MSRA: variants seen among roughly 807,000 people sequenced by gnomAD.
MSRA encodes the protein methionine sulfoxide reductase A, also known as mitochondrial peptide methionine sulfoxide reductase.
Under a neutral mutation model 31.3 loss-of-function variants are expected in MSRA, and 54 were observed. That is an observed-to-expected ratio of 1.73 (90% CI 1.39 to 2.17). The LOEUF (loss-of-function observed/expected upper bound fraction) is 2.17, where lower values mean the gene tolerates loss of function less well. Among genes scored for constraint, MSRA ranks in the 30% most tolerant of loss-of-function variants. MSRA has a pLI of 0.00. For missense variants in MSRA, 507 were observed against 300.9 expected, an observed-to-expected ratio of 1.69 and a Z score of -5.07; for synonymous variants, 169 against 116.5, an observed-to-expected ratio of 1.45 and a Z score of -2.90.
intron 1 of MSRA, among the ~76,000 whole-genome samples, chr8:10,178,661 C>A (rs1302512281): frequency 6.6e-6 from 1 of 152,100 alleles, no homozygotes; most frequent in East Asian, 1.9e-4. Flanking sequence ...CAATAATGAT[C>A]ATTTTAGTAA....
intron 2 of MSRA, among the ~76,000 whole-genome samples, chr8:10,239,668 C>A (rs1353266428): frequency 1.3e-5 from 2 of 152,200 alleles, no homozygotes; most frequent in South Asian, 4.1e-4. Context: ...TGGAGTCTTG[C>A]TATATTCCCA....
chr8:10,116,958 C>G (rs1271719148), intron 1 of MSRA, among the ~76,000 whole-genome samples: 1 of 152,144 alleles, frequency 6.6e-6, no homozygotes, highest in Non-Finnish European at 1.5e-5. Flanking sequence ...AAGAGCGAAA[C>G]TCCAAGATGG....
chr8:10,369,212 A>C (rs969365116), intron 5 of MSRA, among the ~76,000 whole-genome samples: 1 of 152,136 alleles, frequency 6.6e-6, no homozygotes, highest in Admixed American at 6.5e-5. Context: ...GTGACCTTTT[A>C]AATACTGTTG....
chr8:10,382,410 G>A (rs1287319781), intron 5 of MSRA, among the ~76,000 whole-genome samples: 9 of 152,172 alleles, frequency 5.9e-5, no homozygotes, highest in South Asian at 2.1e-4. Context: ...ACCCAGAGTC[G>A]CCCTTGTACT....
chr8:10,078,542 C>T (rs955086915), intron 1 of MSRA, among the ~76,000 whole-genome samples: 4 of 152,236 alleles, frequency 2.6e-5, no homozygotes, highest in African/African-American at 9.6e-5. Context: ...CGTCTGCTTC[C>T]TGCAGCTTGT....
intron 3 of MSRA, among the ~76,000 whole-genome samples, chr8:10,257,231 G>A (rs1193604572): frequency 1.3e-5 from 2 of 152,080 alleles, no homozygotes; most frequent in Non-Finnish European, 2.9e-5. Flanking sequence ...TCCTTAGGCA[G>A]CCTGGAAGTA....
At chr8:10,165,202 G>T (rs112975224) in intron 1 of MSRA, among the ~76,000 whole-genome samples, 37 of 152,236 alleles carry the variant, frequency 2.4e-4, no homozygotes, top group African/African-American at 8.4e-4. Context: ...TGCTTTATAC[G>T]TTTTGAGCTG....
At chr8:10,283,836 T>TATATATATATATACACACACAC (rs1261287031) in intron 3 of MSRA, among the ~76,000 whole-genome samples, 12 of 53,162 alleles carry the variant, frequency 2.3e-4, no homozygotes, top group South Asian at 9.9e-4. Context: ...TATATATATA[T>TATATATATATATACACACACAC]ACACACACAC....
intron 1 of MSRA, among the ~76,000 whole-genome samples, chr8:10,173,450 A>G (rs1014057027): frequency 5.3e-5 from 8 of 152,216 alleles, no homozygotes; most frequent in Non-Finnish European, 1.0e-4. Flanking sequence ...TTCAATAGTT[A>G]GCCTCACCTT....
chr8:10,320,594 C>G (rs1010042022), intron 5 of MSRA, among the ~76,000 whole-genome samples: 1 of 152,230 alleles, frequency 6.6e-6, no homozygotes, highest in Non-Finnish European at 1.5e-5. Flanking sequence ...CTGAAACTCT[C>G]TCTTTTTTTC....
chr8:10,219,677 A>G (rs7000091), intron 2 of MSRA, among the ~76,000 whole-genome samples: 64,119 of 150,728 alleles, frequency 0.43, 13,741 homozygotes, highest in East Asian at 0.57. Context: ...GTGGCGGCGG[A>G]CGCCTGTAGT....
At chr8:10,325,195 G>A (rs972189033) in intron 5 of MSRA, among the ~76,000 whole-genome samples, 10 of 152,188 alleles carry the variant, frequency 6.6e-5, no homozygotes, top group South Asian at 4.1e-4. Flanking sequence ...GATTTGCCAC[G>A]ATGGAGTGAC....
intron 5 of MSRA, among the ~76,000 whole-genome samples, chr8:10,332,346 A>G (rs1802750552): frequency 6.6e-6 from 1 of 152,174 alleles, no homozygotes; most frequent in Non-Finnish European, 1.5e-5. Context: ...GTCTTTAAAA[A>G]ATTTTTTTTA....
intron 3 of MSRA, among the ~76,000 whole-genome samples, chr8:10,286,690 G>A (rs1186198180): frequency 6.6e-6 from 1 of 152,208 alleles, no homozygotes; most frequent in African/African-American, 2.4e-5. Context: ...TCAGTGTTTG[G>A]GTGAGTTCTC....
chr8:10,111,815 C>T (rs1800309474), intron 1 of MSRA, among the ~76,000 whole-genome samples: 3 of 152,162 alleles, frequency 2.0e-5, no homozygotes, highest in Non-Finnish European at 4.4e-5. Context: ...GTGAGATGGT[C>T]ACACACGCTG....
At chr8:10,118,094 C>T (rs4841282) in intron 1 of MSRA, among the ~76,000 whole-genome samples, 1 of 151,938 alleles carries the variant, frequency 6.6e-6, no homozygotes, top group Non-Finnish European at 1.5e-5. Flanking sequence ...CCTGGGTGTT[C>T]ATTCTCCCCT....
chr8:10,126,455 A>G (rs1359340185), intron 1 of MSRA, among the ~76,000 whole-genome samples: 1 of 152,122 alleles, frequency 6.6e-6, no homozygotes, highest in Non-Finnish European at 1.5e-5. Flanking sequence ...GGCAGGGGCG[A>G]TGGTTTCAGG....
At chr8:10,225,715 T>C (rs969248399) in intron 2 of MSRA, among the ~76,000 whole-genome samples, 1 of 152,156 alleles carries the variant, frequency 6.6e-6, no homozygotes, top group Non-Finnish European at 1.5e-5. Context: ...GATGTAGATG[T>C]CTGACGAGCC....
At chr8:10,134,247 T>C (rs1028605057) in intron 1 of MSRA, among the ~76,000 whole-genome samples, 1 of 152,208 alleles carries the variant, frequency 6.6e-6, no homozygotes, top group African/African-American at 2.4e-5. Context: ...GGAAGTGTCA[T>C]GATATTCCAT....
Sources: allele counts gnomAD v4.1 joint callset (sites outside exome capture counted in the v4.1 genomes callset), GRCh38; gene constraint gnomAD v4.1.1; transcripts MANE v1.5; gene names NCBI Gene and HGNC (gene_info 2026-07-23, HGNC 2026-07-21).